Variants in ADAMTS9 observed in about 807,000 individuals in gnomAD.
ADAMTS9 encodes ADAM metallopeptidase with thrombospondin type 1 motif 9, also known as A disintegrin and metalloproteinase with thrombospondin motifs 9.
In ADAMTS9, 107 loss-of-function variants were observed where a neutral mutation model predicts 257.1. That is an observed-to-expected ratio of 0.42 (90% CI 0.36 to 0.49). The LOEUF is 0.49. Ranked by LOEUF, ADAMTS9 falls within the 20% of genes least tolerant of loss-of-function variation. The pLI, the probability that ADAMTS9 is intolerant of heterozygous loss-of-function variation, is 0.03. For synonymous variants in ADAMTS9, 982 were observed against 880.9 expected (o/e 1.11, Z -2.03); for missense variants, 2,353 against 2,469.1 (o/e 0.95, Z 1.00).
chr3:64,647,211 A>T (rs906942390), intron 11 of ADAMTS9, among the ~76,000 whole-genome samples: 9 of 151,820 alleles, frequency 5.9e-5, no homozygotes, highest in Non-Finnish European at 7.4e-5. Context: ...TTTTTTTTTT[A>T]AATCAAGATT....
chr3:64,612,485 T>A (rs1453957787), intron 22 of ADAMTS9, among the ~76,000 whole-genome samples: 2 of 152,176 alleles, frequency 1.3e-5, no homozygotes, highest in African/African-American at 4.8e-5. Context: ...AGTGCCCATA[T>A]CAGTGATAGA....
chr3:64,631,388 A>C, intron 16 of ADAMTS9, 67 bp downstream of exon 16: 1 of 1,243,172 alleles, frequency 8.0e-7, no homozygotes, highest in Non-Finnish European at 1.2e-6. Flanking sequence ...CAGAGAAGGA[A>C]GGAAGCAGTA....
chr3:64,521,100 G>GA (rs1334440400), intron 39 of ADAMTS9, among the ~76,000 whole-genome samples: 2 of 151,804 alleles, frequency 1.3e-5, no homozygotes, highest in African/African-American at 4.8e-5. Flanking sequence ...AAATCAACAA[G>GA]AAAAAAACAA....
In ADAMTS9 at chr3:64,602,088, G is replaced by A. The variant is rs878919004; in HGVS notation, c.3873C>T (p.Ser1291=). 6.2e-7 allele frequency: 1 copy of A among 1,614,068 alleles called. No individual in the cohort carries two copies. The highest frequency in any genetic ancestry group is 1.7e-5 in the Admixed American group (1 of 60,018). ...GGGTCCTTTGAGGGCATGGTGACAT[G>A]GAACAGTCCTGGTCAGTTTCTGGGA... ...DYIPETDQDC[S]MSPCPQRTPD... The change falls in exon 26 of 40, where the codon TCC becomes TCT. Residue 1291 remains serine, a synonymous_variant. Transcript: ENST00000498707.
chr3:64,530,911 T>C (rs533952878), intron 38 of ADAMTS9, among the ~76,000 whole-genome samples: 5 of 152,154 alleles, frequency 3.3e-5, no homozygotes, highest in Non-Finnish European at 4.4e-5. Flanking sequence ...ACGATAAAAA[T>C]ATACGATTTT....
At chr3:64,539,056 C>A in intron 37 of ADAMTS9, 147 bp downstream of exon 37, 3 of 715,964 alleles carry the variant, frequency 4.2e-6, no homozygotes, top group Non-Finnish European at 4.9e-6. Flanking sequence ...GACTCCAGAG[C>A]ATTTGAGAGG....
intron 19 of ADAMTS9, among the ~76,000 whole-genome samples, chr3:64,618,087 C>T (rs113308189): frequency 3.9e-5 from 6 of 152,218 alleles, no homozygotes; most frequent in Admixed American, 2.6e-4. Flanking sequence ...CAGTAAGCTA[C>T]GCATTTAAAA....
intron 29 of ADAMTS9, among the ~76,000 whole-genome samples, chr3:64,566,873 G>A (rs912564854): frequency 1.3e-5 from 2 of 149,364 alleles, no homozygotes; most frequent in African/African-American, 4.9e-5. Flanking sequence ...AAAAAAAAAA[G>A]GGATGGAAGT....
chr3:64,590,362 A>C (rs2084238724), intron 28 of ADAMTS9, among the ~76,000 whole-genome samples: 4 of 152,228 alleles, frequency 2.6e-5, no homozygotes, highest in African/African-American at 9.6e-5. Context: ...AGAAACATAT[A>C]CATTCATTTC....
chr3:64,574,097 C>T (rs969731439), intron 28 of ADAMTS9, among the ~76,000 whole-genome samples: 10 of 152,054 alleles, frequency 6.6e-5, no homozygotes, highest in African/African-American at 1.2e-4. Flanking sequence ...TTGTAAAGGC[C>T]GGAATGAAAG....
intron 22 of ADAMTS9, among the ~76,000 whole-genome samples, chr3:64,610,240 G>A (rs2084639522): frequency 6.6e-6 from 1 of 152,178 alleles, no homozygotes; most frequent in South Asian, 2.1e-4. Context: ...AAGGGCAACA[G>A]AAAATAGACA....
At position 64,643,529 on chromosome 3, in the gene ADAMTS9, T is replaced by G. The variant is rs140283632; in HGVS notation, c.1711-1536A>C. 8.4e-3 allele frequency among the ~76,000 whole-genome samples: 1,192 copies of G among 142,636 alleles called. 14 individuals are homozygous for G. The highest frequency in any genetic ancestry group is 0.027 in the African/African-American group (1,042 of 38,332). The allele number at this position is 142,636 out of a possible 152,430, so 93.6% of individuals were successfully genotyped here. On this transcript the variant is annotated intron_variant, in intron 11 of 39. Coordinates refer to ENST00000498707, the MANE Select transcript of ADAMTS9 (RefSeq NM_182920.2). ...GTGCAGTGGTGCAATCATGGCTCAC[T>G]GCAGCCTCAACGTCCCAGGCTCAAC...
chr3:64,595,567 C>T (rs750285658), intron 27 of ADAMTS9, among the ~76,000 whole-genome samples: 2 of 152,310 alleles, frequency 1.3e-5, no homozygotes, highest in Non-Finnish European at 2.9e-5. Flanking sequence ...CAGAACTTTG[C>T]GAGGAGGTTT....
chr3:64,621,392 A>AATGT, intron 18 of ADAMTS9, 152 bp from the exon 19 acceptor site: 1 of 908,936 alleles, frequency 1.1e-6, no homozygotes, highest in Non-Finnish European at 1.6e-6. Flanking sequence ...CCCTGACATT[A>AATGT]CAGGGCAAAA....
chr3:64,559,152 C>T (rs763626700), intron 30 of ADAMTS9, among the ~76,000 whole-genome samples: 2 of 152,154 alleles, frequency 1.3e-5, no homozygotes, highest in Non-Finnish European at 2.9e-5. Context: ...AAACAGGAGG[C>T]GTGGCCACCC....
chr3:64,683,444 AC>A (rs1701808357), intron 2 of ADAMTS9, among the ~76,000 whole-genome samples: 1 of 152,126 alleles, frequency 6.6e-6, no homozygotes, highest in Non-Finnish European at 1.5e-5. Context: ...GATCAGAAAG[AC>A]CCGGTTGAAA....
At chr3:64,541,501 A>T (rs1451265464) in intron 34 of ADAMTS9, 25 bp downstream of exon 34, 1 of 1,610,306 alleles carries the variant, frequency 6.2e-7, no homozygotes. Flanking sequence ...CATTCTTGAA[A>T]TAATGACTGG....
At position 64,604,327 on chromosome 3, in the gene ADAMTS9, C is replaced by T; in HGVS notation, c.3479G>A (p.Cys1160Tyr). 1 of 1,607,492 alleles carries T rather than the reference C, an allele frequency of 6.2e-7. No individual in the cohort carries two copies. The highest frequency in any genetic ancestry group is 1.1e-5 in the South Asian group (1 of 89,972). ...GGGAGGATGACATGATGGTAATTCACAGTCCTAGACGTGATGGGGGAAAAA... is the reference window on the plus strand; with the variant it reads ...GGGAGGATGACATGATGGTAATTCATAGTCCTAGACGTGATGGGGGAAAAA... ...AATRPTDTQD[C>Y]ELPSCHPPPA... Residue 1160 changes from cysteine to tyrosine, a missense_variant, in exon 24 of 40, where the codon TGT becomes TAT. Around this residue, in one of 3 missense-constraint regions of ADAMTS9, gnomAD observed 1,402 missense variants for 1,441.4 expected, o/e 0.97. Coordinates refer to ENST00000498707, the MANE Select transcript of ADAMTS9 (RefSeq NM_182920.2).
intron 28 of ADAMTS9, chr3:64,587,929 G>A: frequency 6.6e-6 from 1 of 152,152 alleles, no homozygotes; most frequent in East Asian, 1.9e-4. Context: ...TCCACCTTGT[G>A]TGGAGGCCAA....
Sources: gnomAD v4.1 joint callset for allele counts (sites outside exome capture counted in the v4.1 genomes callset) on GRCh38, gnomAD v4.1.1 for gene constraint, gnomAD v4.1.1 regional missense constraint, MANE v1.5 for transcripts, NCBI Gene and HGNC (gene_info 2026-07-23, HGNC 2026-07-21) for gene names.